Variants in NDUFS5 observed in about 807,000 individuals in gnomAD.
NDUFS5 encodes the protein NADH dehydrogenase [ubiquinone] iron-sulfur protein 5.
NDUFS5 carries 7 observed loss-of-function variants against 10.5 expected under a neutral mutation model. The observed-to-expected ratio is 0.66, with a 90% confidence interval of 0.38 to 1.25. The LOEUF (loss-of-function observed/expected upper bound fraction) is 1.25, where lower values mean the gene tolerates loss of function less well. Ranked by LOEUF, NDUFS5 falls within the 50% of genes most tolerant of loss-of-function variation. The pLI is 0.02. For missense variants in NDUFS5, 148 were observed against 140.7 expected, an observed-to-expected ratio of 1.05 and a Z score of -0.26; for synonymous variants, 38 against 44.0, an observed-to-expected ratio of 0.86 and a Z score of 0.54.
intron 2 of NDUFS5, among the ~76,000 whole-genome samples, chr1:39,029,192 C>G (rs1644173575): frequency 6.6e-6 from 1 of 151,904 alleles, no homozygotes; most frequent in Non-Finnish European, 1.5e-5. Context: ...GGGATTTCAC[C>G]ATGCTGGCCA....
chr1:39,031,458 G>A (rs1644190224), intron 2 of NDUFS5, among the ~76,000 whole-genome samples: 1 of 152,084 alleles, frequency 6.6e-6, no homozygotes, highest in Admixed American at 6.6e-5. Flanking sequence ...ACAAGTGCAT[G>A]CCACCATGTG....
chr1:39,030,571 G>C (rs1236373970), intron 2 of NDUFS5, among the ~76,000 whole-genome samples: 1 of 151,882 alleles, frequency 6.6e-6, no homozygotes. Context: ...GCTGGGTGTA[G>C]TGGCTGGCGC....
intron 2 of NDUFS5, among the ~76,000 whole-genome samples, chr1:39,030,077 C>T (rs1287815157): frequency 6.6e-6 from 1 of 150,592 alleles, no homozygotes; most frequent in Admixed American, 6.7e-5. Flanking sequence ...GGCGACAGAG[C>T]GAGACTCTGC....
intron 1 of NDUFS5, among the ~76,000 whole-genome samples, chr1:39,027,581 G>GTT (rs760373747): frequency 8.8e-5 from 8 of 91,132 alleles, no homozygotes; most frequent in Non-Finnish European, 1.5e-4. Flanking sequence ...TTTCGCTCTG[G>GTT]TTTTTTTTTT....
rs766038359 is a variant in NDUFS5, at chr1:39,034,454, C to T, written c.279C>T (p.Thr93=). 21 of 1,613,556 alleles carry T rather than the reference C, an allele frequency of 1.3e-5. 1 individual carries two copies. The African/African-American group carries it at 2.8e-4, about 22-fold the overall frequency. Residue 93 remains threonine (T), a synonymous_variant, in exon 3 of 3, where the codon ACC becomes ACT. Coordinates refer to ENST00000372969, the MANE Select transcript of NDUFS5 (RefSeq NM_004552.3). ...RDKLIKEGKY[T]PPPHHIGKGE... is the part of the protein sequence containing the mutation. Reference sequence around the variant, plus strand: ...AGCTGATAAAGGAAGGAAAGTACACCCCTCCACCTCACCACATTGGCAAGG... The same window carrying T: ...AGCTGATAAAGGAAGGAAAGTACACTCCTCCACCTCACCACATTGGCAAGG...
At chr1:39,031,318 C>A (rs752249876) in intron 2 of NDUFS5, among the ~76,000 whole-genome samples, 12 of 151,710 alleles carry the variant, frequency 7.9e-5, no homozygotes, top group Non-Finnish European at 1.5e-5. Context: ...TCCTGTTAGT[C>A]GTGTTTTTGA....
chr1:39,026,908 C>T (rs1644152361), intron 1 of NDUFS5, among the ~76,000 whole-genome samples: 1 of 152,208 alleles, frequency 6.6e-6, no homozygotes, highest in Non-Finnish European at 1.5e-5. Flanking sequence ...CGTGCTTCCT[C>T]CTTCGAGCTC....
intron 1 of NDUFS5, among the ~76,000 whole-genome samples, chr1:39,027,575 G>A (rs888072256): frequency 2.6e-4 from 13 of 50,384 alleles, no homozygotes; most frequent in South Asian, 2.5e-3. Context: ...CATTTCTTTC[G>A]CTCTGGTTTT....
intron 2 of NDUFS5, among the ~76,000 whole-genome samples, chr1:39,032,107 T>A (rs1057268784): frequency 2.7e-5 from 4 of 149,454 alleles, no homozygotes; most frequent in Non-Finnish European, 6.0e-5. Context: ...TGTAGTGAGT[T>A]GAGATTGCGC....
Position 39,028,917 on chromosome 1 carries a change from G to A in NDUFS5, c.193G>A (p.Glu65Lys), listed in dbSNP as rs1238969000. 6.2e-7 allele frequency: 1 copy of A among 1,613,902 alleles called. No individual in the cohort carries two copies. Among genetic ancestry groups the A allele is most frequent in the Non-Finnish European group, 8.5e-7 (1 of 1,179,924 alleles). ...CAAGATAGAATATGATGATTTCGTAGAGTGTTTGCTTCGGCAGAAAACGGT... is the reference window on the plus strand; with the variant it reads ...CAAGATAGAATATGATGATTTCGTAAAGTGTTTGCTTCGGCAGAAAACGGT... ...ECKIEYDDFV[E>K]CLLRQKTMRR... The change falls in exon 2 of 3, where the codon GAG becomes AAG. Residue 65 changes from glutamate (E) to lysine (K), a missense_variant. Transcript: ENST00000372969.
At chr1:39,029,686 G>T (rs1273183316) in intron 2 of NDUFS5, among the ~76,000 whole-genome samples, 1 of 152,160 alleles carries the variant, frequency 6.6e-6, no homozygotes, top group Non-Finnish European at 1.5e-5. Flanking sequence ...AACATCTTTG[G>T]ATTCATTCCA....
intron 2 of NDUFS5, among the ~76,000 whole-genome samples, chr1:39,031,943 G>A (rs1477919854): frequency 6.6e-6 from 1 of 152,064 alleles, no homozygotes; most frequent in Non-Finnish European, 1.5e-5. Context: ...GATTACCTGA[G>A]GTGAGGAGTT....
At chr1:39,032,051 C>G (rs1225175621) in intron 2 of NDUFS5, among the ~76,000 whole-genome samples, 2 of 152,036 alleles carry the variant, frequency 1.3e-5, no homozygotes, top group African/African-American at 4.8e-5. Context: ...CCCAGCTACT[C>G]AGGAGGCTGA....
chr1:39,032,954 TC>T (rs776139518), intron 2 of NDUFS5, among the ~76,000 whole-genome samples: 4 of 152,192 alleles, frequency 2.6e-5, no homozygotes, highest in Non-Finnish European at 5.9e-5. Flanking sequence ...TAAGGATTCA[TC>T]TTTTTGTCTC....
intron 1 of NDUFS5, among the ~76,000 whole-genome samples, chr1:39,026,816 A>G (rs780460881): frequency 5.3e-5 from 8 of 152,210 alleles, no homozygotes; most frequent in Admixed American, 2.0e-4. Context: ...CTGTTGCCCA[A>G]CTGGAACACT....
intron 2 of NDUFS5, among the ~76,000 whole-genome samples, chr1:39,032,485 A>G (rs1644196111): frequency 6.6e-6 from 1 of 152,186 alleles, no homozygotes; most frequent in African/African-American, 2.4e-5. Context: ...TTTAAGGTTA[A>G]TGAGACGTTT....
Position 39,028,817 on chromosome 1 carries a change from T to C in NDUFS5, c.93T>C (p.Gly31=), listed in dbSNP as rs1039765520. 1 of 1,614,150 alleles carries C rather than the reference T, an allele frequency of 6.2e-7. No individual in the cohort carries two copies. The highest frequency in any genetic ancestry group is 8.5e-7 in the Non-Finnish European group (1 of 1,180,030). Residue 31 remains glycine, a synonymous_variant, in exon 2 of 3, where the codon GGT becomes GGC. Transcript: ENST00000372969. ...QSGEQPYKMA[G]RCHAFEKEWI... ...GTGAACAGCCCTACAAGATGGCTGG[T>C]CGATGCCATGCTTTTGAAAAAGAAT... is the stretch of plus-strand genomic sequence containing the variant.
chr1:39,032,822 G>A (rs960688638), intron 2 of NDUFS5, among the ~76,000 whole-genome samples: 1 of 152,156 alleles, frequency 6.6e-6, no homozygotes, highest in African/African-American at 2.4e-5. Context: ...GAGCTATGTG[G>A]TTATGAGGGA....
intron 1 of NDUFS5, among the ~76,000 whole-genome samples, chr1:39,028,222 A>G (rs1644166055): frequency 6.8e-6 from 1 of 148,142 alleles, no homozygotes. Flanking sequence ...ACCTGAGGTC[A>G]GGAGTTCAAG....
Sources: gnomAD v4.1 joint callset for allele counts (sites outside exome capture counted in the v4.1 genomes callset) on GRCh38, gnomAD v4.1.1 for gene constraint, MANE v1.5 for transcripts, NCBI Gene and HGNC (gene_info 2026-07-23, HGNC 2026-07-21) for gene names.